Variants in EYA4 observed in about 807,000 individuals in gnomAD.
EYA4 encodes protein phosphatase EYA4.
A neutral mutation model predicts 87.9 loss-of-function variants in EYA4; 31 were observed. That is an observed-to-expected ratio of 0.35 (90% CI 0.27 to 0.48). The LOEUF (loss-of-function observed/expected upper bound fraction) is 0.48, where lower values mean the gene tolerates loss of function less well. Among genes scored for constraint, EYA4 ranks in the 20% least tolerant of loss-of-function variants. The pLI, the probability that EYA4 is intolerant of heterozygous loss-of-function variation, is 0.99. For missense variants in EYA4, 678 were observed against 761.4 expected, an observed-to-expected ratio of 0.89 and a Z score of 1.29; for synonymous variants, 263 against 270.6, an observed-to-expected ratio of 0.97 and a Z score of 0.28.
At chr6:133,466,437 G>T (rs1794848343) in intron 10 of EYA4, among the ~76,000 whole-genome samples, 1 of 152,088 alleles carries the variant, frequency 6.6e-6, no homozygotes, top group African/African-American at 2.4e-5. Context: ...AAAGTGTTAG[G>T]AATTGGTCTG....
At chr6:133,341,432 G>T (rs62428725) in intron 2 of EYA4, among the ~76,000 whole-genome samples, 17,893 of 152,108 alleles carry the variant, frequency 0.12, 1,314 homozygotes, top group Non-Finnish European at 0.17. Context: ...GAACAAAACA[G>T]ATGAAAATAA....
At chr6:133,399,142 T>C (rs1788049274) in intron 3 of EYA4, among the ~76,000 whole-genome samples, 1 of 152,198 alleles carries the variant, frequency 6.6e-6, no homozygotes, top group South Asian at 2.1e-4. Context: ...ATCAGCCTGC[T>C]TAGCTAGTGG....
chr6:133,376,625 T>C (rs1034473608), intron 2 of EYA4, among the ~76,000 whole-genome samples: 2 of 151,930 alleles, frequency 1.3e-5, no homozygotes, highest in African/African-American at 4.8e-5. Flanking sequence ...TTTGCAAACT[T>C]TTTTTATGAG....
intron 2 of EYA4, among the ~76,000 whole-genome samples, chr6:133,298,291 T>G (rs1779099672): frequency 6.6e-6 from 1 of 152,204 alleles, no homozygotes; most frequent in Admixed American, 6.5e-5. Flanking sequence ...ATACTTTGTC[T>G]GCTCCAGATC....
At chr6:133,390,264 G>C (rs1053220629) in intron 3 of EYA4, among the ~76,000 whole-genome samples, 1 of 152,038 alleles carries the variant, frequency 6.6e-6, no homozygotes, top group Non-Finnish European at 1.5e-5. Context: ...GTGTCACCCA[G>C]ACTGGAGTGC....
intron 1 of EYA4, 50 bp from the exon 2 acceptor site, chr6:133,274,666 T>C: frequency 1.2e-6 from 1 of 867,460 alleles, no homozygotes; most frequent in Admixed American, 1.9e-5. Flanking sequence ...ACCTTACAAA[T>C]GAATATAAAG....
At chr6:133,469,754 G>A (rs1795167822) in intron 11 of EYA4, among the ~76,000 whole-genome samples, 1 of 151,916 alleles carries the variant, frequency 6.6e-6, no homozygotes, top group Admixed American at 6.6e-5. Flanking sequence ...GAAAAAAATG[G>A]TGGAAATCTT....
rs367964859 is a variant in EYA4 at position 133,363,878 on chromosome 6, G to A, written c.34-18514G>A. On this transcript the variant is annotated intron_variant, in intron 2 of 19. Transcript: ENST00000355286. ...CAGGCCTGGGTTGTCAAATGGAAAT[G>A]GCAAATTTAGGAATGCAGCCAGCCT... 1.9e-4 allele frequency among the ~76,000 whole-genome samples: 29 copies of A among 152,330 alleles called. No individual in the cohort carries two copies. The South Asian group carries it at 6.0e-3, about 32-fold the overall frequency.
intron 2 of EYA4, among the ~76,000 whole-genome samples, chr6:133,338,052 T>G (rs1782507965): frequency 1.3e-5 from 2 of 152,170 alleles, no homozygotes; most frequent in Non-Finnish European, 2.9e-5. Flanking sequence ...TGCCATCTAC[T>G]CTCTCTCTCC....
chr6:133,357,631 T>C (rs1333708539), intron 2 of EYA4, among the ~76,000 whole-genome samples: 4 of 152,018 alleles, frequency 2.6e-5, no homozygotes, highest in African/African-American at 9.7e-5. Flanking sequence ...ATCTAAACTG[T>C]TTGGTTTGTA....
intron 17 of EYA4, among the ~76,000 whole-genome samples, chr6:133,518,591 T>A (rs1236578911): frequency 6.6e-6 from 1 of 152,180 alleles, no homozygotes; most frequent in Non-Finnish European, 1.5e-5. Flanking sequence ...TCTGTGAATA[T>A]AGTCTCAGAA....
At position 133,462,671 on chromosome 6, in the gene EYA4, A is replaced by C. The variant is rs1171687756; in HGVS notation, c.631A>C (p.Thr211Pro). Residue 211 changes from threonine to proline, a missense_variant, in exon 9 of 20, where the codon ACT becomes CCT. Physicochemically the swap from Thr to Pro is conservative, Grantham distance 38. Transcript: ENST00000355286. ...AIKTESGLSQ[T>P]QSPLQSGCLS... ...CAAGACAGAGAGTGGACTTTCCCAA[A>C]CTCAGTCCCCATTACAGAGTGGCTG... 4 of 1,613,738 alleles carry C rather than the reference A, an allele frequency of 2.5e-6. No homozygotes were observed. In the African/African-American group the frequency reaches 4.0e-5, roughly 16 times the overall value.
intron 17 of EYA4, among the ~76,000 whole-genome samples, chr6:133,518,400 T>G (rs1799790920): frequency 6.6e-6 from 1 of 152,146 alleles, no homozygotes; most frequent in Non-Finnish European, 1.5e-5. Flanking sequence ...GTTATCCACA[T>G]ATATTACCAT....
chr6:133,457,534 T>G (rs538577075), intron 6 of EYA4, among the ~76,000 whole-genome samples: 8 of 152,268 alleles, frequency 5.3e-5, no homozygotes, highest in Admixed American at 3.9e-4. Flanking sequence ...AGATATGTCT[T>G]AGAGTATTAT....
At chr6:133,244,157 C>T (rs776020995) in intron 1 of EYA4, among the ~76,000 whole-genome samples, 1 of 152,116 alleles carries the variant, frequency 6.6e-6, no homozygotes, top group Non-Finnish European at 1.5e-5. Context: ...GGTCTACAAT[C>T]AATATGGTTT....
chr6:133,476,148 A>G (rs1406264905), intron 11 of EYA4, among the ~76,000 whole-genome samples: 1 of 152,044 alleles, frequency 6.6e-6, no homozygotes, highest in Non-Finnish European at 1.5e-5. Context: ...AAGAAATTGT[A>G]TCTATTTTTG....
chr6:133,294,472 C>T (rs1445249044), intron 2 of EYA4, among the ~76,000 whole-genome samples: 1 of 145,732 alleles, frequency 6.9e-6, no homozygotes, highest in Non-Finnish European at 1.5e-5. Context: ...GGTGGTCGTC[C>T]CGCCTCAGCC....
chr6:133,290,193 T>G (rs1393270481), intron 2 of EYA4, among the ~76,000 whole-genome samples: 33 of 152,190 alleles, frequency 2.2e-4, no homozygotes, highest in Admixed American at 2.1e-3. Flanking sequence ...AGTTTCTAGA[T>G]GAGGGATTGC....
At chr6:133,371,452 T>C (rs1038322203) in intron 2 of EYA4, among the ~76,000 whole-genome samples, 17 of 152,208 alleles carry the variant, frequency 1.1e-4, no homozygotes, top group Non-Finnish European at 2.4e-4. Context: ...GCGTTTTGTT[T>C]GTTTTCTAAC....
Sources: allele counts gnomAD v4.1 joint callset (sites outside exome capture counted in the v4.1 genomes callset), GRCh38; gene constraint gnomAD v4.1.1; transcripts MANE v1.5; gene names NCBI Gene and HGNC (gene_info 2026-07-23, HGNC 2026-07-21).